The following PALM2AKAP2 variants were observed in gnomAD, a reference collection of about 807,000 sequenced individuals.
PALM2AKAP2 encodes the protein PALM2-AKAP2 fusion protein.
In PALM2AKAP2, 37 loss-of-function variants were observed where a neutral mutation model predicts 71.5. The ratio of observed to expected loss-of-function variants is 0.52; its 90% confidence interval spans 0.40 to 0.68. The LOEUF is 0.68. Among genes scored for constraint, PALM2AKAP2 ranks in the 30% least tolerant of loss-of-function variants. PALM2AKAP2 has a pLI of 0.00. For missense variants in PALM2AKAP2, 1,224 were observed against 1,191.8 expected (o/e 1.03, Z -0.40); for synonymous variants, 468 against 478.8 (o/e 0.98, Z 0.29).
At chr9:109,832,593 C>T (rs1310517262) in intron 1 of PALM2AKAP2, among the ~76,000 whole-genome samples, 1 of 152,174 alleles carries the variant, frequency 6.6e-6, no homozygotes, top group East Asian at 1.9e-4. Context: ...AAAAATGTAC[C>T]TAGAAATCTA....
Position 109,685,696 on chromosome 9 carries a change from C to A in PALM2AKAP2, c.5+44830C>A, listed in dbSNP as rs183838001. ...TATATTTTTTTTTTGGTGGTAGGGT[C>A]TTGCCTTGATGCTGATGGCTACTGA... On this transcript the variant is annotated intron_variant, in intron 1 of 6. Transcript: ENST00000374531. Among the ~76,000 whole-genome samples the A allele has an allele frequency of 2.1e-3, 323 of 151,834 alleles. 4 individuals carry two copies. Among genetic ancestry groups the A allele is most frequent in the Non-Finnish European group, 7.1e-4 (48 of 67,958 alleles).
intron 6 of PALM2AKAP2, among the ~76,000 whole-genome samples, chr9:109,952,606 G>A (rs1479879601): frequency 6.6e-6 from 1 of 152,250 alleles, no homozygotes; most frequent in Non-Finnish European, 1.5e-5. Context: ...CATCAAAAGT[G>A]CTGGGGATAC....
intron 1 of PALM2AKAP2, among the ~76,000 whole-genome samples, chr9:110,078,198 C>T (rs530062821): frequency 3.5e-4 from 53 of 152,254 alleles, no homozygotes; most frequent in Non-Finnish European, 7.1e-4. Flanking sequence ...CCAGATTTGG[C>T]ACATGGGCTG....
intron 3 of PALM2AKAP2, among the ~76,000 whole-genome samples, chr9:109,913,353 G>A (rs1212851922): frequency 6.6e-6 from 1 of 152,234 alleles, no homozygotes; most frequent in Non-Finnish European, 1.5e-5. Context: ...GGCTCTGGCA[G>A]GAAGCCAGAC....
intron 1 of PALM2AKAP2, among the ~76,000 whole-genome samples, chr9:109,788,813 C>T (rs1587912046): frequency 6.6e-6 from 1 of 152,134 alleles, no homozygotes; most frequent in African/African-American, 2.4e-5. Flanking sequence ...TGGCGCACTC[C>T]CATAGTCCCA....
At chr9:109,853,582 T>C (rs1271946063) in intron 1 of PALM2AKAP2, among the ~76,000 whole-genome samples, 1 of 152,224 alleles carries the variant, frequency 6.6e-6, no homozygotes, top group Non-Finnish European at 1.5e-5. Context: ...TTAAAAGCAA[T>C]GCTGCAGTAA....
intron 1 of PALM2AKAP2, among the ~76,000 whole-genome samples, chr9:109,732,752 G>A (rs1372533572): frequency 1.3e-5 from 2 of 152,192 alleles, no homozygotes; most frequent in African/African-American, 4.8e-5. Context: ...GGAGGGGTTA[G>A]AGAATGGCTG....
At chr9:109,673,804 A>T (rs1316669057) in intron 1 of PALM2AKAP2, among the ~76,000 whole-genome samples, 1 of 152,114 alleles carries the variant, frequency 6.6e-6, no homozygotes, top group Non-Finnish European at 1.5e-5. Context: ...ATATATATTT[A>T]AAATAGTTAC....
intron 1 of PALM2AKAP2, among the ~76,000 whole-genome samples, chr9:109,662,378 C>T (rs148457277): frequency 2.0e-5 from 3 of 151,868 alleles, no homozygotes; most frequent in East Asian, 1.9e-4. Context: ...TAGCCTGAAG[C>T]GCTGTTGAAT....
chr9:110,123,208 C>T (rs1564317289), intron 1 of PALM2AKAP2, among the ~76,000 whole-genome samples: 1 of 152,140 alleles, frequency 6.6e-6, no homozygotes. Context: ...TTAGGGTTGC[C>T]ATGACAAGGT....
At chr9:109,655,028 G>A (rs577200440) in intron 1 of PALM2AKAP2, among the ~76,000 whole-genome samples, 36 of 152,066 alleles carry the variant, frequency 2.4e-4, no homozygotes, top group Non-Finnish European at 4.4e-5. Context: ...GGTGGCTCAC[G>A]CCTGTAATCC....
chr9:110,000,857 G>A (rs1381944878), intron 6 of PALM2AKAP2, among the ~76,000 whole-genome samples: 1 of 152,134 alleles, frequency 6.6e-6, no homozygotes, highest in Admixed American at 6.5e-5. Flanking sequence ...TGTTGATGGG[G>A]TTGTTTGTTT....
rs190012844 is a variant in PALM2AKAP2, at chr9:110,004,525, G to A, written c.497-11429G>A. ...TATGTGTCTTGGAGTTGCTCTTCTCGAGGAGTATCTTTTTGGCATTCTCTG... is the reference window on the plus strand; with the variant it reads ...TATGTGTCTTGGAGTTGCTCTTCTCAAGGAGTATCTTTTTGGCATTCTCTG... On this transcript the variant is annotated intron_variant, in intron 6 of 9. Coordinates refer to the PALM2AKAP2 transcript ENST00000302798. Among the ~76,000 whole-genome samples, 1,405 of 152,138 alleles carry A rather than the reference G, an allele frequency of 9.2e-3. 23 individuals carry two copies. Among genetic ancestry groups the A allele is most frequent in the African/African-American group, 0.031 (1,297 of 41,482 alleles).
intron 1 of PALM2AKAP2, among the ~76,000 whole-genome samples, chr9:110,112,243 A>T (rs757790484): frequency 6.6e-6 from 1 of 151,460 alleles, no homozygotes; most frequent in Non-Finnish European, 1.5e-5. Context: ...GTGAGCCATG[A>T]CACATCATGT....
chr9:109,750,343 G>C (rs1828867240), intron 1 of PALM2AKAP2, among the ~76,000 whole-genome samples: 1 of 152,072 alleles, frequency 6.6e-6, no homozygotes, highest in Non-Finnish European at 1.5e-5. Flanking sequence ...TTGCATACTG[G>C]CATGTTTGAT....
rs115382546 is a variant in PALM2AKAP2 at position 109,812,826 on chromosome 9, C to T, written c.45+32293C>T. ...ATCCAGCAGCATCACTGCCTTGCTCCGTGATCTTCCCATGTTTGAGTCACC... is the reference window on the plus strand; with the variant it reads ...ATCCAGCAGCATCACTGCCTTGCTCTGTGATCTTCCCATGTTTGAGTCACC... On this transcript the variant is annotated intron_variant, in intron 1 of 9. Transcript: ENST00000302798. Among the ~76,000 whole-genome samples, 572 of 152,284 alleles carry T rather than the reference C, an allele frequency of 3.8e-3. 6 individuals carry two copies. Among genetic ancestry groups the T allele is most frequent in the African/African-American group, 0.013 (534 of 41,560 alleles).
chr9:109,771,388 C>G (rs972549016), intron 1 of PALM2AKAP2, among the ~76,000 whole-genome samples: 2 of 152,082 alleles, frequency 1.3e-5, no homozygotes, highest in Non-Finnish European at 2.9e-5. Flanking sequence ...TGGAATGGGA[C>G]GAACAGATGA....
At chr9:110,039,853 T>C (rs1833481359) in intron 7 of PALM2AKAP2, among the ~76,000 whole-genome samples, 3 of 152,210 alleles carry the variant, frequency 2.0e-5, no homozygotes, top group African/African-American at 7.2e-5. Context: ...TTCTGATACC[T>C]GGCAGCTTTA....
At chr9:110,100,343 A>C (rs531169633) in intron 1 of PALM2AKAP2, among the ~76,000 whole-genome samples, 1 of 152,212 alleles carries the variant, frequency 6.6e-6, no homozygotes. Flanking sequence ...ATCTGTCTAC[A>C]TGTTTCAGCG....
Sources: allele counts gnomAD v4.1 joint callset (sites outside exome capture counted in the v4.1 genomes callset), GRCh38; gene constraint gnomAD v4.1.1; transcripts MANE v1.5; gene names NCBI Gene and HGNC (gene_info 2026-07-23, HGNC 2026-07-21).